Variants in FAM117B observed in about 807,000 individuals in gnomAD.
FAM117B encodes the protein protein FAM117B.
In FAM117B, 22 loss-of-function variants were observed where a neutral mutation model predicts 52.8. That is an observed-to-expected ratio of 0.42 (90% confidence interval 0.30 to 0.59). The LOEUF (loss-of-function observed/expected upper bound fraction) is 0.59. FAM117B is among the 20% of genes least tolerant of loss of function. The probability of loss-of-function intolerance (pLI) is 0.22; values close to 1 mark genes in which losing one functional copy is unlikely to be tolerated. For synonymous variants in FAM117B, 309 were observed against 324.1 expected (o/e 0.95, Z 0.50); for missense variants, 678 against 802.6 (o/e 0.84, Z 1.88).
intron 4 of FAM117B, among the ~76,000 whole-genome samples, chr2:202,753,549 A>G (rs1468433753): frequency 6.6e-6 from 1 of 152,232 alleles, no homozygotes; most frequent in African/African-American, 2.4e-5. Context: ...CTGCTCAGCA[A>G]AAGAAACTAT....
chr2:202,703,372 C>T (rs575687810), intron 2 of FAM117B, among the ~76,000 whole-genome samples: 1 of 152,296 alleles, frequency 6.6e-6, no homozygotes, highest in East Asian at 1.9e-4. Context: ...CTTACTTCCT[C>T]CTACCTCCTT....
At chr2:202,675,227 TAAAA>T (rs540546949) in intron 1 of FAM117B, among the ~76,000 whole-genome samples, 1 of 143,408 alleles carries the variant, frequency 7.0e-6, no homozygotes, top group Non-Finnish European at 1.5e-5. Context: ...CCCTGTCTCT[TAAAA>T]AAAAAAAACA....
chr2:202,644,109 TTGCTACTG>T (rs1330561608), intron 1 of FAM117B, among the ~76,000 whole-genome samples: 1 of 144,690 alleles, frequency 6.9e-6, no homozygotes, highest in Non-Finnish European at 1.5e-5. Context: ...ATGTAGTGAC[TTGCTACTG>T]TGGAAAATGT....
intron 1 of FAM117B, among the ~76,000 whole-genome samples, chr2:202,669,649 C>G (rs1218129710): frequency 6.6e-6 from 1 of 152,032 alleles, no homozygotes; most frequent in Non-Finnish European, 1.5e-5. Flanking sequence ...CACATTGTTT[C>G]AAGTGGGATT....
At position 202,635,267 on chromosome 2, in the gene FAM117B, GA is replaced by G. The variant is rs1559090545; in HGVS notation, c.81del (p.Ser30AlafsTer6). 1 of 1,388,680 alleles carries G rather than the reference GA, an allele frequency of 7.2e-7. No homozygotes were observed. The highest frequency in any genetic ancestry group is 9.4e-7 in the Non-Finnish European group (1 of 1,068,902). 86.0% of individuals were successfully genotyped at this position (1,388,680 alleles called of 1,614,324 possible). A position where few individuals can be genotyped will look rare whatever the true frequency, so the allele number is the denominator to read the frequency against. On this transcript the variant is annotated frameshift_variant, in exon 1 of 8. Transcript: ENST00000392238. LOFTEE classifies it high-confidence loss of function. ...GGTGGTGCGGTGGCCACGGCCGGGGGACCCGGGAGCCGCTTGCAGCCCATGA... is the reference window on the plus strand; with the variant it reads ...GGTGGTGCGGTGGCCACGGCCGGGGGCCCGGGAGCCGCTTGCAGCCCATGA... ...LGGGAVATAGGPGSRLQPMRA... is the reference protein window; with the variant it reads ...LGGGAVATAGXPGSRLQPMRA...
chr2:202,751,816 C>G (rs1307157634), intron 4 of FAM117B, among the ~76,000 whole-genome samples: 1 of 147,856 alleles, frequency 6.8e-6, no homozygotes, highest in Non-Finnish European at 1.5e-5. Context: ...AATTGTATAT[C>G]TGTGCACCAA....
At chr2:202,653,710 C>A (rs1409248070) in intron 1 of FAM117B, among the ~76,000 whole-genome samples, 4 of 152,146 alleles carry the variant, frequency 2.6e-5, no homozygotes, top group Admixed American at 6.5e-5. Flanking sequence ...ATAATGTGTT[C>A]ATTTGTTAAC....
rs1460037901 is a variant in FAM117B, at chr2:202,715,410, C to T, written c.754-9507C>T. ...GGGGCTCCTCACTTCTCAGACGGGG[C>T]GGCCGGGCAGAGACGCTCCTCACCT... On this transcript the variant is annotated intron_variant, in intron 2 of 7. Coordinates refer to ENST00000392238, the MANE Select transcript of FAM117B (RefSeq NM_173511.4). Among the ~76,000 whole-genome samples, 125 of 140,798 alleles carry T rather than the reference C, an allele frequency of 8.9e-4. 1 individual carries two copies. Among genetic ancestry groups the T allele is most frequent in the Non-Finnish European group, 2.5e-4 (16 of 63,400 alleles). The allele number at this position is 140,798 out of a possible 152,430, so 92.4% of individuals were successfully genotyped here. A position where few individuals can be genotyped will look rare whatever the true frequency, so the allele number is the denominator to read the frequency against.
At chr2:202,668,631 T>A in intron 1 of FAM117B, among the ~76,000 whole-genome samples, 1 of 148,440 alleles carries the variant, frequency 6.7e-6, no homozygotes, top group Non-Finnish European at 1.5e-5. Context: ...AATAAATAAA[T>A]AAATAAATAA....
At chr2:202,681,009 A>G (rs183270646) in intron 1 of FAM117B, among the ~76,000 whole-genome samples, 31 of 152,336 alleles carry the variant, frequency 2.0e-4, no homozygotes, top group Admixed American at 1.2e-3. Context: ...TAGACATTAT[A>G]CAATGTCTAC....
At chr2:202,710,472 T>C (rs1690940022) in intron 2 of FAM117B, among the ~76,000 whole-genome samples, 1 of 152,138 alleles carries the variant, frequency 6.6e-6, no homozygotes, top group Non-Finnish European at 1.5e-5. Context: ...TGATATTTGA[T>C]GCAATATATT....
intron 2 of FAM117B, among the ~76,000 whole-genome samples, chr2:202,696,710 C>A (rs192535522): frequency 2.0e-5 from 3 of 152,230 alleles, no homozygotes; most frequent in Admixed American, 2.0e-4. Flanking sequence ...GACAAAGGGA[C>A]TCTGGAAGCA....
chr2:202,744,976 CAAAAAAAAAAAA>C (rs58898446), intron 4 of FAM117B, among the ~76,000 whole-genome samples: 1 of 59,298 alleles, frequency 1.7e-5, no homozygotes, highest in Non-Finnish European at 2.9e-5. Context: ...GACTCTGTCT[CAAAAAAAAAAAA>C]AAAAAAAAAA....
At chr2:202,662,132 GTGTGTGTA>G (rs1454792943) in intron 1 of FAM117B, among the ~76,000 whole-genome samples, 26 of 151,824 alleles carry the variant, frequency 1.7e-4, no homozygotes, top group South Asian at 2.1e-4. Flanking sequence ...GTGTGTGTGT[GTGTGTGTA>G]TGTGTGTATG....
chr2:202,703,698 C>T (rs1265280036), intron 2 of FAM117B, among the ~76,000 whole-genome samples: 2 of 152,160 alleles, frequency 1.3e-5, no homozygotes, highest in African/African-American at 4.8e-5. Context: ...TATCAATATA[C>T]CACATTTTGT....
At chr2:202,692,746 G>A (rs58993939) in intron 1 of FAM117B, among the ~76,000 whole-genome samples, 3,163 of 152,196 alleles carry the variant, frequency 0.021, 123 homozygotes, top group African/African-American at 0.073. Flanking sequence ...GCATAACTTT[G>A]TCATTATGAT....
intron 1 of FAM117B, among the ~76,000 whole-genome samples, chr2:202,653,957 T>C (rs1385732509): frequency 1.3e-5 from 2 of 152,086 alleles, no homozygotes; most frequent in Non-Finnish European, 2.9e-5. Flanking sequence ...CAACCTTTTC[T>C]GTGCATGTAT....
intron 2 of FAM117B, among the ~76,000 whole-genome samples, chr2:202,707,039 G>A (rs370613261): frequency 6.6e-6 from 1 of 151,940 alleles, no homozygotes; most frequent in Non-Finnish European, 1.5e-5. Flanking sequence ...ATTGTTTTTT[G>A]TTGTTGTTGT....
intron 1 of FAM117B, among the ~76,000 whole-genome samples, chr2:202,659,485 T>G (rs1238799215): frequency 6.6e-6 from 1 of 151,774 alleles, no homozygotes; most frequent in Non-Finnish European, 1.5e-5. Context: ...AATTTTTGTA[T>G]TTGTTTTGTA....
Sources: allele counts gnomAD v4.1 joint callset (sites outside exome capture counted in the v4.1 genomes callset), GRCh38; gene constraint gnomAD v4.1.1; transcripts MANE v1.5; gene names NCBI Gene and HGNC (gene_info 2026-07-23, HGNC 2026-07-21).